The following ZNF536 variants were observed in gnomAD, a reference collection of about 807,000 sequenced individuals.
The protein encoded by ZNF536 is zinc finger protein 536.
ZNF536 carries 13 observed loss-of-function variants against 84.5 expected under a neutral mutation model. The ratio of observed to expected loss-of-function variants is 0.15; its 90% CI spans 0.10 to 0.24. The LOEUF (loss-of-function observed/expected upper bound fraction) is 0.24. ZNF536 is among the 10% of genes least tolerant of loss of function. The pLI is 1.00. For missense variants in ZNF536, 1,536 were observed against 1,747.5 expected (o/e 0.88, Z 2.16); for synonymous variants, 811 against 742.5 (o/e 1.09, Z -1.50).
downstream of ZNF536, among the ~76,000 whole-genome samples, chr19:30,560,813 T>C (rs1181098373): frequency 3.3e-5 from 5 of 152,238 alleles, no homozygotes; most frequent in Admixed American, 3.3e-4. Flanking sequence ...AGTCACTTTT[T>C]CTCAAAGAAA....
At chr19:30,436,630 T>G in intron 1 of ZNF536, 1 of 383,562 alleles carries the variant, frequency 2.6e-6, no homozygotes, top group Non-Finnish European at 3.6e-6. Flanking sequence ...GAGTGTATTA[T>G]GCTTATAACA....
chr19:30,441,103 C>T (rs62103360), intron 1 of ZNF536, among the ~76,000 whole-genome samples: 6,245 of 152,246 alleles, frequency 0.041, 188 homozygotes, highest in Non-Finnish European at 0.063. Flanking sequence ...GCAGTCTCGC[C>T]GCATTGCACA....
chr19:30,357,454 G>A (rs2146817428), intron 3 of ZNF536, among the ~76,000 whole-genome samples: 1 of 152,240 alleles, frequency 6.6e-6, no homozygotes, highest in East Asian at 1.9e-4. Flanking sequence ...CCATGCTGAT[G>A]AGTGTGAACT....
At chr19:30,682,080 G>C (rs2050995478) in intron 1 of ZNF536, among the ~76,000 whole-genome samples, 1 of 152,174 alleles carries the variant, frequency 6.6e-6, no homozygotes, top group East Asian at 1.9e-4. Context: ...TTATGGCCCA[G>C]GAAGGAGAAC....
chr19:30,547,898 A>T (rs2146170802), intron 3 of ZNF536, 45 bp from the exon 4 acceptor site: 1 of 1,510,274 alleles, frequency 6.6e-7, no homozygotes, highest in Non-Finnish European at 8.8e-7. Context: ...AGCACACCAA[A>T]ATGAGATAAA....
intron 1 of ZNF536, among the ~76,000 whole-genome samples, chr19:30,383,637 T>G (rs377373552): frequency 1.8e-5 from 1 of 54,422 alleles, no homozygotes; most frequent in Non-Finnish European, 3.9e-5. Context: ...TTTCTTCCTT[T>G]CTTCCTTCCT....
At chr19:30,431,992 C>CATAT (rs561025363) in intron 1 of ZNF536, among the ~76,000 whole-genome samples, 10 of 144,606 alleles carry the variant, frequency 6.9e-5, no homozygotes, top group African/African-American at 2.6e-4. Flanking sequence ...TCATTAAAAG[C>CATAT]ATATATATAT....
At chr19:30,383,830 CCTT>C (rs1378063202) in intron 1 of ZNF536, among the ~76,000 whole-genome samples, 2 of 115,590 alleles carry the variant, frequency 1.7e-5, no homozygotes, top group Non-Finnish European at 1.7e-5. Flanking sequence ...CTTTCTTTCT[CCTT>C]CTTTCCTTCC....
rs2148225306 is a variant in ZNF536, at chr19:30,445,454, C to T, written c.1892C>T (p.Thr631Ile). Residue 631 changes from threonine (T) to isoleucine (I), a missense_variant, in exon 2 of 5, where the codon ACC (threonine) becomes ATC (isoleucine). Around this residue, in one of 8 missense-constraint regions of ZNF536, gnomAD observed 366 missense variants for 364.4 expected, o/e 1.00. Transcript: ENST00000355537. The surrounding 1 kb of genome is among the most constrained non-coding windows in gnomAD (Gnocchi z 4.5). ...QGPGNMKEKP[T>I]ECPDCGRVFR... ...CCTGGGAACATGAAGGAGAAGCCCA[C>T]CGAGTGCCCCGACTGCGGCCGGGTG... is the stretch of plus-strand genomic sequence containing the variant. 1 of 1,614,152 alleles carries T rather than the reference C, an allele frequency of 6.2e-7. No individual in the cohort carries two copies. The highest frequency in any genetic ancestry group is 8.5e-7 in the Non-Finnish European group (1 of 1,180,040).
At chr19:30,550,289 A>G (rs1286793732) in intron 4 of ZNF536, among the ~76,000 whole-genome samples, 2 of 152,226 alleles carry the variant, frequency 1.3e-5, no homozygotes, top group Non-Finnish European at 2.9e-5. Flanking sequence ...GGGTACCCCA[A>G]AGGAATTCCA....
intron 2 of ZNF536, among the ~76,000 whole-genome samples, chr19:30,327,406 T>A (rs938088830): frequency 1.3e-5 from 2 of 152,128 alleles, no homozygotes; most frequent in African/African-American, 4.8e-5. Context: ...CTGTGAACAG[T>A]TATTTTATGA....
chr19:30,432,457 A>G (rs2051517083), intron 1 of ZNF536, among the ~76,000 whole-genome samples: 1 of 152,136 alleles, frequency 6.6e-6, no homozygotes, highest in African/African-American at 2.4e-5. Context: ...TTCCTGGAGC[A>G]CGTGAAGCCA....
At chr19:30,343,098 TG>T in intron 2 of ZNF536, among the ~76,000 whole-genome samples, 1 of 152,232 alleles carries the variant, frequency 6.6e-6, no homozygotes, top group East Asian at 1.9e-4. Flanking sequence ...GGGACAGCCT[TG>T]GGCCCCTGGA....
Position 30,627,107 on chromosome 19 carries a change from TCTG to T in ZNF536, c.169+77596_169+77598del, listed in dbSNP as rs1166214362. ...GAAGCTGAAGGGTGCCCCTTGCTCCTCTGCTATCTGCCTCCCTGTGGGTCTGTT... is the reference window on the plus strand; with the variant it reads ...GAAGCTGAAGGGTGCCCCTTGCTCCTCTATCTGCCTCCCTGTGGGTCTGTT... On this transcript the variant is annotated intron_variant, in intron 1 of 1. Coordinates refer to the ZNF536 transcript ENST00000592773. 4.6e-5 allele frequency among the ~76,000 whole-genome samples: 7 copies of T among 152,192 alleles called. No individual in the cohort carries two copies. The East Asian group carries it at 1.4e-3, about 30-fold the overall frequency.
chr19:30,694,684 TAA>T (rs1555841179), intron 1 of ZNF536, among the ~76,000 whole-genome samples: 1 of 152,018 alleles, frequency 6.6e-6, no homozygotes, highest in Admixed American at 6.6e-5. Flanking sequence ...CATTTTTTTT[TAA>T]AGAAATAGTG....
intron 2 of ZNF536, among the ~76,000 whole-genome samples, chr19:30,478,389 T>C (rs143428788): frequency 0.01 from 1,586 of 152,094 alleles, 37 homozygotes; most frequent in African/African-American, 0.037. Flanking sequence ...GTAGGGGGCT[T>C]CCTGCTGTCT....
chr19:30,311,799 T>C lies in ZNF536; in HGVS notation c.-120+27658T>C, dbSNP rs1182723082. The stretch of plus-strand genomic sequence containing the variant: ...ATTAAAATTTTAAGGCTAAGCGTGG[T>C]GGCTCACACCTGTATTCCCAGTGCT... On this transcript the variant is annotated intron_variant, in intron 2 of 5. Transcript: ENST00000585628. Among the ~76,000 whole-genome samples, 7 of 152,164 alleles carry C rather than the reference T, an allele frequency of 4.6e-5. 1 individual carries two copies. The highest frequency in any genetic ancestry group is 3.9e-4 in the Admixed American group (6 of 15,272).
At chr19:30,367,870 G>A (rs1288572912), upstream of ZNF536, among the ~76,000 whole-genome samples, 1 of 152,114 alleles carries the variant, frequency 6.6e-6, no homozygotes, top group Non-Finnish European at 1.5e-5. Context: ...CCTTCTTCCT[G>A]TGTCCCAGTC....
chr19:30,694,565 C>T (rs112656598), intron 1 of ZNF536, among the ~76,000 whole-genome samples: 2,233 of 152,244 alleles, frequency 0.015, 42 homozygotes, highest in African/African-American at 0.051. Flanking sequence ...AGCTCCCCAG[C>T]GGCTGCCTCC....
Sources: allele counts gnomAD v4.1 joint callset (sites outside exome capture counted in the v4.1 genomes callset), GRCh38; gene constraint gnomAD v4.1.1; regional missense constraint gnomAD v4.1.1; non-coding constraint Gnocchi (gnomAD v3.1); transcripts MANE v1.5; gene names NCBI Gene and HGNC (gene_info 2026-07-23, HGNC 2026-07-21).